Variants in ITPR2 observed in about 807,000 individuals in gnomAD.
ITPR2 encodes the protein inositol 1,4,5-trisphosphate receptor type 2, also known as inositol 1,4,5-trisphosphate-gated calcium channel ITPR2.
ITPR2 carries 207 observed loss-of-function variants against 317.1 expected under a neutral mutation model. That is an observed-to-expected ratio of 0.65 (90% CI 0.58 to 0.73). The LOEUF (loss-of-function observed/expected upper bound fraction) is 0.73, where lower values mean the gene tolerates loss of function less well. Among genes scored for constraint, ITPR2 ranks in the 30% least tolerant of loss-of-function variants. The pLI is 0.00. For missense variants in ITPR2, 2,613 were observed against 3,284.0 expected (o/e 0.80, Z 4.99); for synonymous variants, 1,156 against 1,149.1 (o/e 1.01, Z -0.12).
At chr12:26,349,537 C>CT (rs1591953239) in intron 55 of ITPR2, among the ~76,000 whole-genome samples, 1 of 152,338 alleles carries the variant, frequency 6.6e-6, no homozygotes, top group South Asian at 2.1e-4. Context: ...TTGCTCAAAT[C>CT]TAAATGCTCA....
At chr12:26,359,598 T>TG (rs947303153) in intron 55 of ITPR2, among the ~76,000 whole-genome samples, 2 of 134,832 alleles carry the variant, frequency 1.5e-5, no homozygotes, top group African/African-American at 4.9e-5. Context: ...TTTTCTCTTG[T>TG]GGGGAAAAAA....
intron 37 of ITPR2, among the ~76,000 whole-genome samples, chr12:26,503,120 G>C (rs1248493304): frequency 1.3e-5 from 2 of 151,544 alleles, no homozygotes; most frequent in African/African-American, 4.9e-5. Context: ...TCACAGGGCA[G>C]TGAGACGAGT....
rs188591269 is a variant in ITPR2, at chr12:26,498,054, A to C, written c.5074-2794T>G. 3.3e-5 allele frequency among the ~76,000 whole-genome samples: 5 copies of C among 152,258 alleles called. No individual in the cohort carries two copies. The East Asian group carries it at 9.6e-4, about 29-fold the overall frequency. ...CCCGGTCAGTGCCAAGAATTCTAATAGACACTCAGAGTGTCTGGAGTTTGT... is the reference window on the plus strand; with the variant it reads ...CCCGGTCAGTGCCAAGAATTCTAATCGACACTCAGAGTGTCTGGAGTTTGT... On this transcript the variant is annotated intron_variant, in intron 37 of 56. Transcript: ENST00000381340.
chr12:26,516,469 C>A (rs1943522276), intron 37 of ITPR2, among the ~76,000 whole-genome samples: 1 of 151,692 alleles, frequency 6.6e-6, no homozygotes, highest in African/African-American at 2.4e-5. Context: ...GCTTTGGGGT[C>A]TTCAAAGACT....
At chr12:26,727,281 C>G (rs976029486) in intron 2 of ITPR2, among the ~76,000 whole-genome samples, 1 of 152,164 alleles carries the variant, frequency 6.6e-6, no homozygotes, top group African/African-American at 2.4e-5. Flanking sequence ...CAATTTAATA[C>G]AGCAGACTCT....
intron 13 of ITPR2, among the ~76,000 whole-genome samples, chr12:26,669,506 GA>G (rs1947700290): frequency 6.6e-6 from 1 of 152,226 alleles, no homozygotes; most frequent in Non-Finnish European, 1.5e-5. Context: ...ACATCATGGT[GA>G]AACTTAAGAC....
intron 9 of ITPR2, among the ~76,000 whole-genome samples, chr12:26,709,167 A>G (rs560674418): frequency 6.6e-6 from 1 of 152,338 alleles, no homozygotes; most frequent in South Asian, 2.1e-4. Context: ...TTTTGAGGCT[A>G]TGATTGCTAT....
intron 34 of ITPR2, among the ~76,000 whole-genome samples, chr12:26,563,167 T>C (rs564640281): frequency 6.6e-6 from 1 of 152,214 alleles, no homozygotes; most frequent in African/African-American, 2.4e-5. Context: ...TGAAGAAATG[T>C]TCTCTCAAGA....
chr12:26,832,495 G>C (rs1225791630), intron 1 of ITPR2, among the ~76,000 whole-genome samples, 195 bp downstream of exon 1: 1 of 152,268 alleles, frequency 6.6e-6, no homozygotes, highest in Non-Finnish European at 1.5e-5. Flanking sequence ...TGCTGAGAAA[G>C]TCTTGCCTCT....
chr12:26,464,813 G>T (rs1307852900), intron 45 of ITPR2, among the ~76,000 whole-genome samples: 1 of 152,176 alleles, frequency 6.6e-6, no homozygotes, highest in Non-Finnish European at 1.5e-5. Flanking sequence ...ACACAGGAGG[G>T]ACATCCACCC....
intron 55 of ITPR2, among the ~76,000 whole-genome samples, chr12:26,368,686 T>C (rs747608837): frequency 9.2e-5 from 14 of 152,236 alleles, no homozygotes; most frequent in Non-Finnish European, 1.9e-4. Context: ...AGATATATCA[T>C]TACTTATTTC....
At chr12:26,784,237 C>A (rs1297877062) in intron 2 of ITPR2, among the ~76,000 whole-genome samples, 1 of 149,218 alleles carries the variant, frequency 6.7e-6, no homozygotes, top group Non-Finnish European at 1.5e-5. Context: ...TTTACAGTTT[C>A]TCTTTTAAAA....
intron 13 of ITPR2, among the ~76,000 whole-genome samples, chr12:26,674,185 G>GA (rs1331414844): frequency 4.7e-5 from 7 of 148,932 alleles, no homozygotes; most frequent in Non-Finnish European, 9.0e-5. Flanking sequence ...CACAGAATTG[G>GA]AAAAAACTAC....
intron 2 of ITPR2, among the ~76,000 whole-genome samples, chr12:26,729,791 C>T (rs535322305): frequency 3.3e-5 from 5 of 152,100 alleles, no homozygotes; most frequent in Non-Finnish European, 7.4e-5. Flanking sequence ...GAACAACACA[C>T]ACTGGAGCCT....
chr12:26,605,388 A>AT (rs11383259), intron 26 of ITPR2, among the ~76,000 whole-genome samples: 46,484 of 151,576 alleles, frequency 0.31, 7,430 homozygotes, highest in Middle Eastern at 0.49. Flanking sequence ...AGGCCATTTC[A>AT]TTTTTTTTCT....
intron 31 of ITPR2, among the ~76,000 whole-genome samples, 166 bp downstream of exon 31, chr12:26,596,717 C>A (rs1417053516): frequency 1.3e-5 from 2 of 150,964 alleles, no homozygotes; most frequent in African/African-American, 4.9e-5. Flanking sequence ...AAAAAGTAGA[C>A]CTTCTATGCT....
At chr12:26,522,489 T>G (rs547513513) in intron 37 of ITPR2, among the ~76,000 whole-genome samples, 1 of 152,318 alleles carries the variant, frequency 6.6e-6, no homozygotes, top group South Asian at 2.1e-4. Context: ...ATTATTACAG[T>G]GGAAGAAAAC....
intron 2 of ITPR2, among the ~76,000 whole-genome samples, chr12:26,774,744 C>A (rs1178509686): frequency 1.3e-5 from 2 of 152,240 alleles, no homozygotes; most frequent in East Asian, 3.8e-4. Context: ...CAATTTCCAA[C>A]ATGCGAACAG....
At position 26,398,829 on chromosome 12, in the gene ITPR2, GCAAA is replaced by G. The variant is rs555893173; in HGVS notation, c.7696+43_7696+46del. ...AAAATCCCTCTAGCCCCTCTTTCCTGCAAACAGTCTATTCATCTATTATTTTAGC... is the reference window on the plus strand; with the variant it reads ...AAAATCCCTCTAGCCCCTCTTTCCTGCAGTCTATTCATCTATTATTTTAGC... On this transcript the variant is annotated intron_variant, in intron 54 of 56. Transcript: ENST00000381340. 1.5e-4 allele frequency: 232 copies of G among 1,502,504 alleles called. 1 individual carries two copies. The African/African-American group carries it at 2.1e-3, about 13-fold the overall frequency. 93.1% of individuals were successfully genotyped at this position (1,502,504 alleles called of 1,614,324 possible).
Sources: allele counts gnomAD v4.1 joint callset (sites outside exome capture counted in the v4.1 genomes callset), GRCh38; gene constraint gnomAD v4.1.1; transcripts MANE v1.5; gene names NCBI Gene and HGNC (gene_info 2026-07-23, HGNC 2026-07-21).